TOP3A: variants seen among roughly 807,000 people sequenced by gnomAD.
TOP3A encodes DNA topoisomerase III alpha.
Under a neutral mutation model 111.3 loss-of-function variants are expected in TOP3A, and 64 were observed. That is an observed-to-expected ratio of 0.57 (90% CI 0.47 to 0.71). TOP3A has a LOEUF of 0.71. TOP3A is among the 30% of genes least tolerant of loss of function. The pLI is 0.00. For missense variants in TOP3A, 1,104 were observed against 1,285.0 expected (o/e 0.86, Z 2.15); for synonymous variants, 484 against 485.1 (o/e 1.00, Z 0.03).
rs1224773221 is a variant in TOP3A, at chr17:18,274,759, G to T, written c.*43C>A. On this transcript the variant is annotated 3_prime_UTR_variant, in exon 19 of 19. Coordinates refer to ENST00000321105, the MANE Select transcript of TOP3A (RefSeq NM_004618.5). ...GGTTAACTCATTTCTAAACACAAAG[G>T]GGACAGGTCTGAGAAAGTGGCGTTC... The T allele has an allele frequency of 1.9e-6, 3 of 1,578,130 alleles. No homozygotes were observed.
At chr17:18,293,944 T>C (rs1434590485) in intron 10 of TOP3A, among the ~76,000 whole-genome samples, 1 of 152,232 alleles carries the variant, frequency 6.6e-6, no homozygotes, top group Admixed American at 6.5e-5. Context: ...TTACATTCTA[T>C]TTCATAGAAG....
chr17:18,306,958 C>T lies in TOP3A; in HGVS notation c.323G>A (p.Cys108Tyr), dbSNP rs1981615881. The change falls in exon 4 of 19, where the codon TGC (cysteine) becomes TAC (tyrosine). Residue 108 changes from cysteine (C) to tyrosine (Y), a missense_variant. Transcript: ENST00000321105. ...FQMQFRKWQS[C>Y]NPLVLFEAEI... ...TGCTTCAAAGAGGACAAGAGGGTTG[C>T]AGCTCTGCCTAGAAAAGAAATGAAA... 1 of 1,613,006 alleles carries T rather than the reference C, an allele frequency of 6.2e-7. No individual in the cohort carries two copies.
intron 16 of TOP3A, 43 bp from the exon 17 acceptor site, chr17:18,280,701 T>C (rs1226794565): frequency 1.2e-6 from 2 of 1,604,176 alleles, no homozygotes; most frequent in Non-Finnish European, 8.5e-7. Flanking sequence ...GTGCAGGAGA[T>C]GCTCTCCGCT....
Position 18,285,305 on chromosome 17 carries a change from A to G in TOP3A, c.1714T>C (p.Tyr572His). Residue 572 changes from tyrosine (Y) to histidine (H), a missense_variant and splice_region_variant, in exon 15 of 19, where the codon TAT becomes CAT. Transcript: ENST00000321105. ...GHLGMGLVEG[Y>H]DSMGYEMSKP... is the part of the protein sequence containing the mutation. ...GACATTTCATAGCCCATGGAATCAT[A>G]ACCTGCAGGGAGAGAGTCGAGCTCA... The G allele has an allele frequency of 6.2e-7, 1 of 1,614,072 alleles. No homozygotes were observed. The highest frequency in any genetic ancestry group is 8.5e-7 in the Non-Finnish European group (1 of 1,179,988).
At chr17:18,299,729 T>C in intron 8 of TOP3A, 96 bp from the exon 9 acceptor site, 2 of 1,169,068 alleles carry the variant, frequency 1.7e-6, no homozygotes, top group Non-Finnish European at 2.6e-6. Context: ...TAGATCACAC[T>C]GACCACCGCC....
chr17:18,286,709 T>C (rs915460891), intron 13 of TOP3A, among the ~76,000 whole-genome samples: 5 of 152,162 alleles, frequency 3.3e-5, no homozygotes, highest in Admixed American at 6.5e-5. Flanking sequence ...AAATGTTAAA[T>C]GTAGAGTTAC....
chr17:18,277,548 A>AAGGC, intron 18 of TOP3A, 127 bp downstream of exon 18: 1 of 1,044,880 alleles, frequency 9.6e-7, no homozygotes, highest in Non-Finnish European at 1.4e-6. Flanking sequence ...AGTGAGGTGC[A>AAGGC]AGGCAGCCCA....
chr17:18,307,671 C>G (rs557087541), intron 3 of TOP3A: 1 of 152,114 alleles, frequency 6.6e-6, no homozygotes, highest in South Asian at 2.1e-4. Flanking sequence ...AATCCTAGCA[C>G]TTTGGGAGGC....
At chr17:18,314,565 A>G (rs1982129415) in intron 1 of TOP3A, 34 bp downstream of exon 1, 20 of 1,579,828 alleles carry the variant, frequency 1.3e-5, no homozygotes, top group Non-Finnish European at 1.7e-5. Flanking sequence ...GGCCTCCCTT[A>G]AGGCACGCAG....
chr17:18,310,564 GA>G (rs1349439214), intron 1 of TOP3A, among the ~76,000 whole-genome samples: 4 of 152,096 alleles, frequency 2.6e-5, no homozygotes, highest in Non-Finnish European at 5.9e-5. Flanking sequence ...GAAATGCCCA[GA>G]ACAGGCAAAT....
chr17:18,289,108 G>C (rs1159983039), intron 13 of TOP3A, among the ~76,000 whole-genome samples: 1 of 152,178 alleles, frequency 6.6e-6, no homozygotes, highest in African/African-American at 2.4e-5. Context: ...CACCTCCCGG[G>C]TTCATGCAAT....
In TOP3A at chr17:18,277,044, C is replaced by T. The variant is rs151209646; in HGVS notation, c.2827+631G>A. Among the ~76,000 whole-genome samples, 152 of 152,168 alleles carry T rather than the reference C, an allele frequency of 1.0e-3. No homozygotes were observed. In the Middle Eastern group the frequency reaches 0.024, roughly 24 times the overall value. On this transcript the variant is annotated intron_variant, in intron 18 of 18. Transcript: ENST00000321105. ...TACTAAAAATACAAAATTAGCTGTG[C>T]GTGGTGGTGCATGCCTGTAATCCCA...
intron 18 of TOP3A, among the ~76,000 whole-genome samples, chr17:18,276,012 T>C (rs1384856914): frequency 6.6e-6 from 1 of 152,190 alleles, no homozygotes; most frequent in African/African-American, 2.4e-5. Flanking sequence ...CCCTTCACAC[T>C]GTGTCCAACT....
intron 9 of TOP3A, among the ~76,000 whole-genome samples, chr17:18,298,202 AGAAG>A (rs1980967616): frequency 7.0e-6 from 1 of 142,826 alleles, no homozygotes; most frequent in African/African-American, 2.7e-5. Flanking sequence ...GCCCCGTCTG[AGAAG>A]TGAGGAGCCC....
intron 16 of TOP3A, 140 bp downstream of exon 16, chr17:18,282,558 G>A (rs1445584955): frequency 6.6e-6 from 8 of 1,205,304 alleles, no homozygotes; most frequent in Non-Finnish European, 9.5e-6. Context: ...ATGCTTTTAG[G>A]CCAACACCTT....
intron 8 of TOP3A, among the ~76,000 whole-genome samples, chr17:18,301,551 T>C (rs1055451789): frequency 6.6e-6 from 1 of 152,254 alleles, no homozygotes. Context: ...CTGAGCCAAA[T>C]GCTGTTCATT....
chr17:18,281,081 C>A (rs908821305), intron 16 of TOP3A, among the ~76,000 whole-genome samples: 2 of 152,176 alleles, frequency 1.3e-5, no homozygotes, highest in African/African-American at 4.8e-5. Flanking sequence ...GGAATGGAAA[C>A]CCATCTGTTT....
Position 18,274,345 on chromosome 17 carries a change from T to C in TOP3A, c.*457A>G, listed in dbSNP as rs1208457058. ...TGTTACCACAGCCATTTCCTTGCAT[T>C]ACACCGTCCTTCTCAGGACGTCTAT... is the stretch of plus-strand genomic sequence containing the variant. On this transcript the variant is annotated 3_prime_UTR_variant, in exon 19 of 19. Coordinates refer to ENST00000321105, the MANE Select transcript of TOP3A (RefSeq NM_004618.5). The C allele has an allele frequency of 6.5e-6, 1 of 154,028 alleles. No homozygotes were observed. 9.5% of individuals were successfully genotyped at this position (154,028 alleles called of 1,614,324 possible).
At chr17:18,307,058 T>A (rs747230563) in intron 3 of TOP3A, 92 bp from the exon 4 acceptor site, 2 of 857,692 alleles carry the variant, frequency 2.3e-6, no homozygotes, top group Non-Finnish European at 3.7e-6. Flanking sequence ...GGGTTCATGG[T>A]GTATCCCCAA....
Sources: gnomAD v4.1 joint callset for allele counts (sites outside exome capture counted in the v4.1 genomes callset) on GRCh38, gnomAD v4.1.1 for gene constraint, MANE v1.5 for transcripts, NCBI Gene and HGNC (gene_info 2026-07-23, HGNC 2026-07-21) for gene names.